GABBR2: variants seen among roughly 807,000 people sequenced by gnomAD.
The protein encoded by GABBR2 is gamma-aminobutyric acid type B receptor subunit 2.
A neutral mutation model predicts 105.6 loss-of-function variants in GABBR2; 23 were observed. The observed-to-expected ratio is 0.22, with a 90% CI of 0.16 to 0.31. GABBR2 has a LOEUF of 0.31. Among genes scored for constraint, GABBR2 ranks in the 10% least tolerant of loss-of-function variants. The probability of loss-of-function intolerance (pLI) is 1.00; values close to 1 mark genes in which losing one functional copy is unlikely to be tolerated. For synonymous variants in GABBR2, 478 were observed against 499.7 expected (o/e 0.96, Z 0.58); for missense variants, 734 against 1,245.5 (o/e 0.59, Z 6.18).
At chr9:98,595,430 C>T (rs1030980731) in intron 1 of GABBR2, among the ~76,000 whole-genome samples, 9 of 151,246 alleles carry the variant, frequency 6.0e-5, no homozygotes, top group African/African-American at 2.2e-4. Flanking sequence ...ATGAAAGGGG[C>T]AGCAGAGAGT....
chr9:98,488,805 G>C (rs1018340727), intron 4 of GABBR2, among the ~76,000 whole-genome samples: 8 of 151,194 alleles, frequency 5.3e-5, no homozygotes, highest in South Asian at 4.2e-4. Flanking sequence ...TGGACACGAA[G>C]CTGGGAGGCA....
In GABBR2 at chr9:98,708,680, G is replaced by A. The variant is rs1430262254; in HGVS notation, c.58C>T (p.Pro20Ser). The A allele has an allele frequency of 5.4e-5, 58 of 1,080,878 alleles. No individual in the cohort carries two copies. Among genetic ancestry groups the A allele is most frequent in the Non-Finnish European group, 6.4e-5 (57 of 893,042 alleles). The allele number at this position is 1,080,878 out of a possible 1,614,324, so 67.0% of individuals were successfully genotyped here. The change falls in exon 1 of 19, where the codon CCC becomes TCC. Residue 20 changes from proline to serine, a missense_variant. Around this residue, in one of 7 missense-constraint regions of GABBR2, gnomAD observed 70 missense variants for 73.4 expected, o/e 0.95. Transcript: ENST00000259455. ...PGPPPPPPPP[P>S]ARLLLLLLLP... is the part of the protein sequence containing the mutation. Reference sequence around the variant, plus strand: ...AGCAGTAGCAGTAGCAGGCGCGCGGGCGGCGGTGGCGGCGGCGGCGGCGGC... The same window carrying A: ...AGCAGTAGCAGTAGCAGGCGCGCGGACGGCGGTGGCGGCGGCGGCGGCGGC...
intron 13 of GABBR2, among the ~76,000 whole-genome samples, chr9:98,335,387 A>G (rs539955930): frequency 6.6e-6 from 1 of 152,094 alleles, no homozygotes; most frequent in Admixed American, 6.5e-5. Flanking sequence ...AGTCGTAAAA[A>G]TTTATTGTCC....
At chr9:98,447,509 C>T (rs938077980) in intron 7 of GABBR2, among the ~76,000 whole-genome samples, 8 of 150,668 alleles carry the variant, frequency 5.3e-5, no homozygotes, top group Non-Finnish European at 8.8e-5. Context: ...TGGGACAACT[C>T]TAACAAGATG....
chr9:98,358,028 T>C (rs573034868), intron 13 of GABBR2, among the ~76,000 whole-genome samples: 24 of 152,334 alleles, frequency 1.6e-4, no homozygotes, highest in African/African-American at 5.5e-4. Context: ...CAAACTGATG[T>C]GTATGGCTGT....
At chr9:98,610,270 T>C (rs1229483675) in intron 1 of GABBR2, among the ~76,000 whole-genome samples, 1 of 152,102 alleles carries the variant, frequency 6.6e-6, no homozygotes, top group African/African-American at 2.4e-5. Flanking sequence ...AGGATGACAA[T>C]AGTGCCTATT....
chr9:98,496,371 T>G, intron 4 of GABBR2, 42 bp downstream of exon 4: 7 of 1,252,244 alleles, frequency 5.6e-6, no homozygotes, highest in Non-Finnish European at 8.2e-6. Context: ...CCCAGGGCAT[T>G]GAGATCAGTC....
At chr9:98,393,036 ATCCAT>A (rs1832214581) in intron 9 of GABBR2, among the ~76,000 whole-genome samples, 1 of 85,414 alleles carries the variant, frequency 1.2e-5, no homozygotes, top group African/African-American at 3.9e-5. Context: ...CCACCCATCC[ATCCAT>A]CCATCCATCC....
chr9:98,481,894 CA>C (rs1826929984), intron 4 of GABBR2, among the ~76,000 whole-genome samples: 2 of 152,214 alleles, frequency 1.3e-5, no homozygotes, highest in Non-Finnish European at 2.9e-5. Context: ...ATTCAACAGA[CA>C]ATTACTGAGC....
intron 1 of GABBR2, among the ~76,000 whole-genome samples, chr9:98,625,590 C>G (rs1019916778): frequency 1.3e-5 from 2 of 152,202 alleles, no homozygotes; most frequent in African/African-American, 4.8e-5. Flanking sequence ...TCAAATGAGA[C>G]AACAGGGTGA....
At chr9:98,530,911 G>C (rs1470079644) in intron 3 of GABBR2, among the ~76,000 whole-genome samples, 2 of 152,300 alleles carry the variant, frequency 1.3e-5, no homozygotes, top group East Asian at 1.9e-4. Flanking sequence ...CCTGATGTGT[G>C]TGTGTATAGA....
chr9:98,531,784 G>C (rs760026738), intron 3 of GABBR2, among the ~76,000 whole-genome samples: 4 of 152,230 alleles, frequency 2.6e-5, no homozygotes, highest in Non-Finnish European at 4.4e-5. Context: ...TTGATCAAAT[G>C]CCTTTCCCAT....
chr9:98,588,902 C>G (rs940438165), intron 1 of GABBR2, among the ~76,000 whole-genome samples: 7 of 152,168 alleles, frequency 4.6e-5, no homozygotes, highest in African/African-American at 1.7e-4. Context: ...GGACCTGAAA[C>G]AGGAAGAAAC....
intron 13 of GABBR2, among the ~76,000 whole-genome samples, chr9:98,337,793 C>T (rs1831141325): frequency 6.6e-6 from 1 of 152,148 alleles, no homozygotes; most frequent in African/African-American, 2.4e-5. Context: ...AATCCCAGCA[C>T]TTTGGGAGGC....
intron 13 of GABBR2, among the ~76,000 whole-genome samples, chr9:98,322,142 T>C (rs1018263426): frequency 6.6e-6 from 1 of 152,076 alleles, no homozygotes; most frequent in Non-Finnish European, 1.5e-5. Context: ...TTCCAGGCCC[T>C]CTGGGCTGGC....
At chr9:98,403,746 GA>G (rs200851464) in intron 8 of GABBR2, among the ~76,000 whole-genome samples, 7,363 of 131,346 alleles carry the variant, frequency 0.056, 449 homozygotes, top group African/African-American at 0.17. Context: ...TACTTGCTGA[GA>G]AAAAAAAAAA....
At chr9:98,643,360 TG>T (rs77929418) in intron 1 of GABBR2, among the ~76,000 whole-genome samples, 37,017 of 152,146 alleles carry the variant, frequency 0.24, 5,306 homozygotes, top group East Asian at 0.53. Context: ...TCTGCTTTTC[TG>T]CTCTGCCATG....
At chr9:98,579,801 C>T (rs1040657763) in intron 1 of GABBR2, among the ~76,000 whole-genome samples, 2 of 152,138 alleles carry the variant, frequency 1.3e-5, no homozygotes, top group African/African-American at 4.8e-5. Flanking sequence ...TCCTACAGGG[C>T]AATAAAACCA....
intron 7 of GABBR2, among the ~76,000 whole-genome samples, chr9:98,419,841 G>A (rs1186595630): frequency 2.6e-5 from 4 of 152,166 alleles, no homozygotes; most frequent in African/African-American, 9.7e-5. Flanking sequence ...GAACACCTGA[G>A]GGATCAGGAA....
Sources: gnomAD v4.1 joint callset for allele counts (sites outside exome capture counted in the v4.1 genomes callset) on GRCh38, gnomAD v4.1.1 for gene constraint, gnomAD v4.1.1 regional missense constraint, MANE v1.5 for transcripts, NCBI Gene and HGNC (gene_info 2026-07-23, HGNC 2026-07-21) for gene names.